SLC25A12: variants seen among roughly 807,000 people sequenced by gnomAD.
SLC25A12 encodes electrogenic aspartate/glutamate antiporter SLC25A12, mitochondrial.
SLC25A12 carries 32 observed loss-of-function variants against 83.3 expected under a neutral mutation model. The observed-to-expected ratio is 0.38, with a 90% confidence interval of 0.29 to 0.52. The LOEUF (loss-of-function observed/expected upper bound fraction) is 0.52. Ranked by LOEUF, SLC25A12 falls within the 20% of genes least tolerant of loss-of-function variation. SLC25A12 has a pLI of 0.84. For synonymous variants in SLC25A12, 267 were observed against 291.1 expected (o/e 0.92, Z 0.84); for missense variants, 611 against 835.6 (o/e 0.73, Z 3.31).
chr2:171,841,490 C>T (rs936022096), intron 5 of SLC25A12, among the ~76,000 whole-genome samples: 2 of 151,824 alleles, frequency 1.3e-5, no homozygotes, highest in African/African-American at 4.8e-5. Context: ...TCTCCCACCT[C>T]ACCTCCTGAG....
chr2:171,829,470 C>A (rs1427732448), intron 8 of SLC25A12, among the ~76,000 whole-genome samples: 5 of 152,044 alleles, frequency 3.3e-5, no homozygotes, highest in African/African-American at 1.2e-4. Flanking sequence ...TAACCCCTTG[C>A]CAAGTGTTTC....
Position 171,836,948 on chromosome 2 carries a change from ACACACACACATG to A in SLC25A12, c.612+161_612+172del, listed in dbSNP as rs1429735581. ...CACACACATACATACATTCACGTAC[ACACACACACATG>A]CACACACACACACACACACACACAA... On this transcript the variant is annotated intron_variant, in intron 6 of 17. Coordinates refer to ENST00000422440, the MANE Select transcript of SLC25A12 (RefSeq NM_003705.5). Among the ~76,000 whole-genome samples the A allele has an allele frequency of 3.3e-4, 48 of 145,512 alleles. 2 individuals carry two copies. In the South Asian group the frequency reaches 0.01, roughly 32 times the overall value.
At position 171,833,941 on chromosome 2, in the gene SLC25A12, G is replaced by A. The variant is rs1225127607; in HGVS notation, c.845+22C>T. 6 of 1,328,496 alleles carry A rather than the reference G, an allele frequency of 4.5e-6. No individual in the cohort carries two copies. In the African/African-American group the frequency reaches 5.8e-5, roughly 13 times the overall value. 82.3% of individuals were successfully genotyped at this position (1,328,496 alleles called of 1,614,324 possible). A position where few individuals can be genotyped will look rare whatever the true frequency, so the allele number is the denominator to read the frequency against. On this transcript the variant is annotated intron_variant, in intron 8 of 17. Coordinates refer to ENST00000422440, the MANE Select transcript of SLC25A12 (RefSeq NM_003705.5). ...AGAACTACTCTATAATAAATATCAT[G>A]AAGAATTATTGAAATACTTACCCTG...
chr2:171,828,579 C>T (rs79860410), intron 8 of SLC25A12, among the ~76,000 whole-genome samples: 1 of 152,292 alleles, frequency 6.6e-6, no homozygotes, highest in African/African-American at 2.4e-5. Context: ...GGTCCACTGT[C>T]ATGGTGGTGG....
At chr2:171,840,730 A>C (rs913329605) in intron 5 of SLC25A12, among the ~76,000 whole-genome samples, 9 of 152,120 alleles carry the variant, frequency 5.9e-5, no homozygotes, top group Admixed American at 3.3e-4. Context: ...AAAATAGAAT[A>C]AGAAAAGTAA....
intron 15 of SLC25A12, among the ~76,000 whole-genome samples, chr2:171,790,504 CAAATG>C (rs1683430005): frequency 6.6e-6 from 1 of 152,280 alleles, no homozygotes; most frequent in South Asian, 2.1e-4. Context: ...GCTCCTCTTT[CAAATG>C]AAATCTCTTC....
intron 3 of SLC25A12, among the ~76,000 whole-genome samples, chr2:171,867,500 G>A (rs930228661): frequency 2.7e-5 from 4 of 150,794 alleles, no homozygotes; most frequent in African/African-American, 9.6e-5. Flanking sequence ...AGGTGTGGCG[G>A]CGTGCGCCTG....
At chr2:171,799,691 T>C (rs1294454186) in intron 13 of SLC25A12, among the ~76,000 whole-genome samples, 5 of 152,348 alleles carry the variant, frequency 3.3e-5, no homozygotes, top group South Asian at 2.1e-4. Flanking sequence ...GCATTCGGCA[T>C]AACCATTCCA....
intron 3 of SLC25A12, among the ~76,000 whole-genome samples, chr2:171,865,061 T>TTAGAA (rs1225978323): frequency 2.0e-5 from 3 of 152,198 alleles, no homozygotes; most frequent in Non-Finnish European, 4.4e-5. Flanking sequence ...TACAGCTTTC[T>TTAGAA]AACATACCAT....
chr2:171,845,302 T>A (rs538758960), intron 4 of SLC25A12, among the ~76,000 whole-genome samples: 2 of 152,166 alleles, frequency 1.3e-5, no homozygotes, highest in Admixed American at 1.3e-4. Flanking sequence ...CAGAGTTCTA[T>A]ACTTACTATA....
chr2:171,784,287 A>T lies in SLC25A12; in HGVS notation c.*987T>A, dbSNP rs747855575. 1 of 152,226 alleles carries T rather than the reference A, an allele frequency of 6.6e-6. No individual in the cohort carries two copies. Among genetic ancestry groups the T allele is most frequent in the Non-Finnish European group, 1.5e-5 (1 of 68,048 alleles). The allele number at this position is 152,226 out of a possible 1,614,324, so 9.4% of individuals were successfully genotyped here. On this transcript the variant is annotated 3_prime_UTR_variant, in exon 18 of 18. Transcript: ENST00000422440. ...AAAGGTGGAAGAAAGGGCGAACCCG[A>T]TCATGAGTTATTTGCAATCAGTAGT...
chr2:171,796,710 A>G (rs1427534474), intron 13 of SLC25A12, among the ~76,000 whole-genome samples: 1 of 152,188 alleles, frequency 6.6e-6, no homozygotes, highest in Non-Finnish European at 1.5e-5. Context: ...AACATAAGGC[A>G]AATACTTTCC....
At chr2:171,827,873 C>G (rs1159165316) in intron 8 of SLC25A12, among the ~76,000 whole-genome samples, 2 of 152,160 alleles carry the variant, frequency 1.3e-5, no homozygotes. Flanking sequence ...TTCTTTTCCT[C>G]TCTATTGAGC....
chr2:171,856,581 A>C (rs1457418029), intron 3 of SLC25A12: 1 of 152,580 alleles, frequency 6.6e-6, no homozygotes, highest in African/African-American at 2.4e-5. Flanking sequence ...TTTTTAATGA[A>C]GCTATGAAGA....
At chr2:171,866,885 T>G (rs1573994822) in intron 3 of SLC25A12, among the ~76,000 whole-genome samples, 4 of 139,026 alleles carry the variant, frequency 2.9e-5, no homozygotes, top group Admixed American at 7.0e-5. Context: ...ACGGGGCGGC[T>G]GCCGGGCGGA....
At chr2:171,799,990 G>T (rs1217158687) in intron 13 of SLC25A12, among the ~76,000 whole-genome samples, 1 of 152,082 alleles carries the variant, frequency 6.6e-6, no homozygotes, top group Non-Finnish European at 1.5e-5. Flanking sequence ...AATTAAAAAA[G>T]AACAGGTACT....
chr2:171,894,066 C>A, intron 1 of SLC25A12, 137 bp downstream of exon 1: 7 of 1,230,708 alleles, frequency 5.7e-6, no homozygotes, highest in African/African-American at 1.5e-5. Context: ...ACAGCTCTCC[C>A]CGCAGCAAGC....
Position 171,787,636 on chromosome 2 carries a change from C to G in SLC25A12, c.1770G>C (p.Gln590His), listed in dbSNP as rs1287304116. 1 of 1,614,146 alleles carries G rather than the reference C, an allele frequency of 6.2e-7. No individual in the cohort carries two copies. The highest frequency in any genetic ancestry group is 1.3e-5 in the African/African-American group (1 of 75,034). ...TAARVFRSSP[Q>H]FGVTLVTYEL... Reference sequence around the variant, plus strand: ...CATAAGTGACCAAGGTAACACCAAACTGGGGAGAGGATCGAAACACTCGAG... The same window carrying G: ...CATAAGTGACCAAGGTAACACCAAAGTGGGGAGAGGATCGAAACACTCGAG... Residue 590 changes from glutamine to histidine, a missense_variant, in exon 17 of 18, where the codon CAG (glutamine) becomes CAC (histidine). Gln to His is a conservative substitution (Grantham distance 24). Around this residue, in one of 3 missense-constraint regions of SLC25A12, gnomAD observed 540 missense variants for 777.5 expected, o/e 0.69. Coordinates refer to ENST00000422440, the MANE Select transcript of SLC25A12 (RefSeq NM_003705.5).
chr2:171,825,681 C>T (rs1051047508), intron 9 of SLC25A12, among the ~76,000 whole-genome samples: 2 of 152,144 alleles, frequency 1.3e-5, no homozygotes, highest in Non-Finnish European at 2.9e-5. Flanking sequence ...AACACAGGTT[C>T]CATGTCTATT....
Sources: allele counts gnomAD v4.1 joint callset (sites outside exome capture counted in the v4.1 genomes callset), GRCh38; gene constraint gnomAD v4.1.1; regional missense constraint gnomAD v4.1.1; transcripts MANE v1.5; gene names NCBI Gene and HGNC (gene_info 2026-07-23, HGNC 2026-07-21).